Variants in MMS22L observed in about 807,000 individuals in gnomAD.
MMS22L encodes the protein MMS22 like, DNA repair protein, also known as protein MMS22-like.
Under a neutral mutation model 159.1 loss-of-function variants are expected in MMS22L, and 74 were observed. The observed-to-expected ratio is 0.47, with a 90% CI of 0.39 to 0.56. The LOEUF (loss-of-function observed/expected upper bound fraction) is 0.56. Among genes scored for constraint, MMS22L ranks in the 20% least tolerant of loss-of-function variants. The pLI is 0.00. For synonymous variants in MMS22L, 517 were observed against 506.9 expected (o/e 1.02, Z -0.27); for missense variants, 1,351 against 1,422.1 (o/e 0.95, Z 0.80).
chr6:97,181,912 T>C lies in MMS22L; in HGVS notation c.2376A>G (p.Leu792=), dbSNP rs1804752059. ...QVVARYLSHV[L]QNSTLCEALS... is the part of the protein sequence containing the mutation. ...GAAATAAAAGCACGTACCTATTTTG[T>C]AGGACATGACTTAAATATCTTGCTA... is the stretch of plus-strand genomic sequence containing the variant. The change falls in exon 16 of 25, where the codon CTA becomes CTG. Residue 792 remains leucine, a synonymous_variant. Coordinates refer to ENST00000683635, the MANE Select transcript of MMS22L (RefSeq NM_001350599.2). 1 of 1,612,144 alleles carries C rather than the reference T, an allele frequency of 6.2e-7. No individual in the cohort carries two copies. The highest frequency in any genetic ancestry group is 8.5e-7 in the Non-Finnish European group (1 of 1,179,256).
rs1815870396 is a variant in MMS22L at position 97,272,753 on chromosome 6, T to A, written c.557A>T (p.Glu186Val). The A allele has an allele frequency of 6.2e-7, 1 of 1,613,876 alleles. No homozygotes were observed. The highest frequency in any genetic ancestry group is 8.5e-7 in the Non-Finnish European group (1 of 1,179,910). ...TGCTCCTATATTAACACTGGGAAGT[T>A]CAGATAGGTGTCCAATATACAAGAG... is the stretch of plus-strand genomic sequence containing the variant. ...GLLLYIGHLS[E>V]LPSVNIGAFV... Residue 186 changes from glutamate to valine, a missense_variant, in exon 6 of 25, where the codon GAA (glutamate) becomes GTA (valine). Glu to Val is a moderately radical substitution (Grantham distance 121). Transcript: ENST00000683635.
chr6:97,220,490 T>C lies in MMS22L; in HGVS notation c.2039+8404A>G, dbSNP rs1384334738. ...ATCTGAATAAAGCTAGCAAACTCTATGATATGTGAATTATATGTCAATAAA... is the reference window on the plus strand; with the variant it reads ...ATCTGAATAAAGCTAGCAAACTCTACGATATGTGAATTATATGTCAATAAA... On this transcript the variant is annotated intron_variant, in intron 14 of 24. Coordinates refer to ENST00000683635, the MANE Select transcript of MMS22L (RefSeq NM_001350599.2). Among the ~76,000 whole-genome samples, 4 of 152,094 alleles carry C rather than the reference T, an allele frequency of 2.6e-5. No individual in the cohort carries two copies. In the East Asian group the frequency reaches 5.8e-4, roughly 22 times the overall value.
chr6:97,224,612 A>G (rs888871725), intron 14 of MMS22L, among the ~76,000 whole-genome samples: 4 of 151,890 alleles, frequency 2.6e-5, no homozygotes, highest in East Asian at 1.9e-4. Context: ...AAAGTCCCCA[A>G]TAAGCAACTA....
rs1278383986 is a variant in MMS22L at position 97,229,382 on chromosome 6, T to A, written c.1551A>T (p.Gln517His). 6.4e-7 allele frequency: 1 copy of A among 1,569,842 alleles called. No homozygotes were observed. The highest frequency in any genetic ancestry group is 1.9e-5 in the Admixed American group (1 of 51,406). ...CTTCAGTTAGTTCTTCCATTCTTTT[T>A]TGATGGAATTTTGAATATATTCTGT... ...VKGRIYSKFH[Q>H]KRMEELTEVG... Residue 517 changes from glutamine (Q) to histidine (H), a missense_variant, in exon 14 of 25, where the codon CAA (glutamine) becomes CAT (histidine). Transcript: ENST00000683635.
At chr6:97,171,182 T>A (rs2128253347) in intron 19 of MMS22L, among the ~76,000 whole-genome samples, 2 of 152,350 alleles carry the variant, frequency 1.3e-5, no homozygotes, top group Admixed American at 1.3e-4. Context: ...ATAATAATTG[T>A]TCTTTTTTGT....
Position 97,254,627 on chromosome 6 carries a change from A to G in MMS22L, c.1049T>C (p.Phe350Ser), listed in dbSNP as rs1813593848. 6.2e-7 allele frequency: 1 copy of G among 1,613,532 alleles called. No individual in the cohort carries two copies. The highest frequency in any genetic ancestry group is 8.5e-7 in the Non-Finnish European group (1 of 1,179,770). The change falls in exon 10 of 25, where the codon TTT becomes TCT. Residue 350 changes from phenylalanine to serine, a missense_variant. Coordinates refer to ENST00000683635, the MANE Select transcript of MMS22L (RefSeq NM_001350599.2). ...TACATGAGTAATAATCCACCAACTAAAACCTAATGGATCCCTGGACTGGAT... is the reference window on the plus strand; with the variant it reads ...TACATGAGTAATAATCCACCAACTAGAACCTAATGGATCCCTGGACTGGAT... ...PVIQSRDPLG[F>S]SWWIITHVAS...
intron 22 of MMS22L, among the ~76,000 whole-genome samples, chr6:97,157,756 T>C (rs1190533991): frequency 6.6e-6 from 1 of 152,204 alleles, no homozygotes; most frequent in Admixed American, 6.5e-5. Flanking sequence ...TTGATGTTCA[T>C]CAGGGATATT....
chr6:97,225,119 C>T lies in MMS22L; in HGVS notation c.2039+3775G>A, dbSNP rs1810082194. ...AAGACAGTATTTATAAGCATTAACT[C>T]TTTCAAGAATGTAAGAATTATTCTT... On this transcript the variant is annotated intron_variant, in intron 14 of 24. Coordinates refer to ENST00000683635, the MANE Select transcript of MMS22L (RefSeq NM_001350599.2). 2.0e-5 allele frequency among the ~76,000 whole-genome samples: 3 copies of T among 152,112 alleles called. No homozygotes were observed. In the South Asian group the frequency reaches 6.2e-4, roughly 32 times the overall value.
In MMS22L at chr6:97,143,451, T is replaced by C. The variant is rs1470035562; in HGVS notation, c.*3355A>G. 1 of 152,058 alleles carries C rather than the reference T, an allele frequency of 6.6e-6. No individual in the cohort carries two copies. Among genetic ancestry groups the C allele is most frequent in the East Asian group, 1.9e-4 (1 of 5,192 alleles). The allele number at this position is 152,058 out of a possible 1,614,324, so 9.4% of individuals were successfully genotyped here. A position where few individuals can be genotyped will look rare whatever the true frequency, so the allele number is the denominator to read the frequency against. On this transcript the variant is annotated 3_prime_UTR_variant, in exon 25 of 25. Coordinates refer to ENST00000683635, the MANE Select transcript of MMS22L (RefSeq NM_001350599.2). ...GGTTTGAACATCACCTTATAAACAATGGTAAGTTACTGGAAGTCCTCGAGC... is the reference window on the plus strand; with the variant it reads ...GGTTTGAACATCACCTTATAAACAACGGTAAGTTACTGGAAGTCCTCGAGC...
chr6:97,161,525 C>G (rs2128242073), intron 22 of MMS22L, among the ~76,000 whole-genome samples: 1 of 151,968 alleles, frequency 6.6e-6, no homozygotes, highest in South Asian at 2.1e-4. Flanking sequence ...TATTTTAAAG[C>G]AATCACTGGA....
At chr6:97,194,057 G>A (rs946653984) in intron 14 of MMS22L, among the ~76,000 whole-genome samples, 32 of 150,872 alleles carry the variant, frequency 2.1e-4, no homozygotes, top group African/African-American at 7.8e-4. Context: ...CACCGTGCCT[G>A]GCCTCATTTG....
rs1297086683 is a variant in MMS22L, at chr6:97,272,846, G to A, written c.464C>T (p.Pro155Leu). Residue 155 changes from proline (P) to leucine (L), a missense_variant, in exon 6 of 25, where the codon CCT (proline) becomes CTT (leucine). Transcript: ENST00000683635. ...LKVQNAESHV[P>L]VHPYEALEAQ... ...CTCCAAAGCCTCATAAGGATGGACA[G>A]GAACATGACTCTCAGCATTCTGTAC... is the stretch of plus-strand genomic sequence containing the variant. The A allele has an allele frequency of 6.2e-7, 1 of 1,613,640 alleles. No individual in the cohort carries two copies. Among genetic ancestry groups the A allele is most frequent in the Non-Finnish European group, 8.5e-7 (1 of 1,179,900 alleles).
At chr6:97,241,631 C>T (rs558901413) in intron 11 of MMS22L, among the ~76,000 whole-genome samples, 11 of 152,062 alleles carry the variant, frequency 7.2e-5, no homozygotes, top group Non-Finnish European at 1.6e-4. Flanking sequence ...GTCCTTAGCC[C>T]ACTTATGGAT....
rs1044531921 is a variant in MMS22L at position 97,250,535 on chromosome 6, C to G, written c.1120-3845G>C. Reference sequence around the variant, plus strand: ...TGGTTTTAAAATAGATGACTAGAATCGTGAGAGAGTAACCCACTCTCATCT... The same window carrying G: ...TGGTTTTAAAATAGATGACTAGAATGGTGAGAGAGTAACCCACTCTCATCT... On this transcript the variant is annotated intron_variant, in intron 10 of 24. Transcript: ENST00000683635. Among the ~76,000 whole-genome samples, 5 of 152,214 alleles carry G rather than the reference C, an allele frequency of 3.3e-5. No individual in the cohort carries two copies. In the South Asian group the frequency reaches 1.0e-3, roughly 32 times the overall value.
intron 14 of MMS22L, among the ~76,000 whole-genome samples, chr6:97,209,306 G>A (rs941323130): frequency 6.6e-6 from 1 of 151,880 alleles, no homozygotes; most frequent in Non-Finnish European, 1.5e-5. Context: ...TGCACTAATA[G>A]CACTCAAAAG....
intron 15 of MMS22L, among the ~76,000 whole-genome samples, chr6:97,184,174 A>G (rs1053592761): frequency 1.7e-4 from 26 of 151,964 alleles, no homozygotes; most frequent in Admixed American, 5.3e-4. Flanking sequence ...TGAGCTGTTG[A>G]TCACTTTCCT....
chr6:97,246,118 A>G (rs534909913), intron 11 of MMS22L: 44 of 445,820 alleles, frequency 9.9e-5, no homozygotes, highest in South Asian at 7.1e-4. Context: ...AAGGAGGTCA[A>G]GTCTGACCTC....
chr6:97,250,355 T>A (rs1378579633), intron 10 of MMS22L, among the ~76,000 whole-genome samples: 1 of 152,162 alleles, frequency 6.6e-6, no homozygotes, highest in Non-Finnish European at 1.5e-5. Context: ...CATTTTAAGG[T>A]TACATTTCAC....
intron 24 of MMS22L, among the ~76,000 whole-genome samples, chr6:97,147,656 A>C (rs1800980944): frequency 6.6e-6 from 1 of 152,194 alleles, no homozygotes; most frequent in South Asian, 2.1e-4. Context: ...TTGTTTTGTG[A>C]CATGACAATA....
Sources: allele counts gnomAD v4.1 joint callset (sites outside exome capture counted in the v4.1 genomes callset), GRCh38; gene constraint gnomAD v4.1.1; transcripts MANE v1.5; gene names NCBI Gene and HGNC (gene_info 2026-07-23, HGNC 2026-07-21).